The following EXD2 variants were observed in gnomAD, a reference collection of about 807,000 sequenced individuals.
EXD2 encodes the protein exonuclease 3'-5' domain containing 2.
In EXD2, 40 loss-of-function variants were observed where a neutral mutation model predicts 62.5. The ratio of observed to expected loss-of-function variants is 0.64; its 90% CI spans 0.50 to 0.83. EXD2 has a LOEUF of 0.83. Ranked by LOEUF, EXD2 falls within the 40% of genes least tolerant of loss-of-function variation. The pLI is 0.00. For synonymous variants in EXD2, 239 were observed against 291.9 expected (o/e 0.82, Z 1.85); for missense variants, 671 against 761.8 (o/e 0.88, Z 1.40).
Position 69,205,026 on chromosome 14 carries a change from TACA to T in EXD2, c.-48+1028_-48+1030del, listed in dbSNP as rs562149127. On this transcript the variant is annotated intron_variant, in intron 2 of 9. Coordinates refer to ENST00000685843, the MANE Select transcript of EXD2 (RefSeq NM_001193360.2). ...CAGGCTGTTTCCAGTTTTTGGCTGT[TACA>T]AATAAGTAACTGCTATGAACATTCT... Among the ~76,000 whole-genome samples, 4 of 152,338 alleles carry T rather than the reference TACA, an allele frequency of 2.6e-5. No individual in the cohort carries two copies. The South Asian group carries it at 8.3e-4, about 32-fold the overall frequency.
chr14:69,241,948 A>T lies in EXD2; in HGVS notation c.*848A>T. The T allele has an allele frequency of 2.5e-6, 1 of 398,770 alleles. No individual in the cohort carries two copies. The highest frequency in any genetic ancestry group is 4.4e-6 in the Non-Finnish European group (1 of 226,062). The allele number at this position is 398,770 out of a possible 1,614,324, so 24.7% of individuals were successfully genotyped here. A position where few individuals can be genotyped will look rare whatever the true frequency, so the allele number is the denominator to read the frequency against. ...CTTTCTGAGAGTAATGTTATCTTTT[A>T]TCAGAATCAGTATCAGTTCCCCTGT... On this transcript the variant is annotated 3_prime_UTR_variant, in exon 10 of 10. Coordinates refer to ENST00000685843, the MANE Select transcript of EXD2 (RefSeq NM_001193360.2).
chr14:69,222,686 A>T (rs1436317805), intron 3 of EXD2, among the ~76,000 whole-genome samples: 1 of 146,854 alleles, frequency 6.8e-6, no homozygotes, highest in Non-Finnish European at 1.5e-5. Flanking sequence ...AATGAATGAT[A>T]TAGAGTGATT....
intron 6 of EXD2, chr14:69,235,762 A>T: frequency 4.9e-6 from 2 of 410,280 alleles, no homozygotes; most frequent in Non-Finnish European, 9.0e-6. Context: ...TCTTTTTTGC[A>T]TTCACAGCAG....
chr14:69,235,253 G>A (rs1043344765), intron 6 of EXD2, among the ~76,000 whole-genome samples: 3 of 152,138 alleles, frequency 2.0e-5, no homozygotes, highest in African/African-American at 7.2e-5. Context: ...TTTATTGACA[G>A]TTGGGGTGGA....
chr14:69,237,970 T>TCC, intron 9 of EXD2, 39 bp downstream of exon 9: 1 of 1,496,384 alleles, frequency 6.7e-7, no homozygotes, highest in Non-Finnish European at 9.0e-7. Context: ...CCAGGGACAT[T>TCC]AACCCTCATT....
At position 69,199,808 on chromosome 14, in the gene EXD2, G is replaced by A. The variant is rs569412503; in HGVS notation, c.-131-4109G>A. 6.2e-4 allele frequency among the ~76,000 whole-genome samples: 95 copies of A among 152,298 alleles called. No homozygotes were observed. The Middle Eastern group carries it at 0.024, about 38-fold the overall frequency. On this transcript the variant is annotated intron_variant, in intron 1 of 9. Transcript: ENST00000685843. ...AATGCCTTCTGGAATAACTTCGGAA[G>A]GAGCTGCCTGAGGTTGCTTTACAGT...
At chr14:69,234,352 A>T (rs1430272044) in intron 5 of EXD2, among the ~76,000 whole-genome samples, 1 of 152,186 alleles carries the variant, frequency 6.6e-6, no homozygotes, top group East Asian at 1.9e-4. Context: ...GCCTTTGTTA[A>T]CTACCCTTCC....
At chr14:69,215,894 C>T (rs1311745886) in intron 3 of EXD2, among the ~76,000 whole-genome samples, 8 of 151,810 alleles carry the variant, frequency 5.3e-5, no homozygotes, top group Non-Finnish European at 7.4e-5. Context: ...ATGAACCCTC[C>T]GGGAGTTAAA....
Position 69,241,234 on chromosome 14 carries a change from C to G in EXD2, c.*134C>G. ...CTCAGAATACTAACCTAGACTAATC[C>G]CAGGATGCTTCTGCTGGAGCAAAGA... On this transcript the variant is annotated 3_prime_UTR_variant, in exon 10 of 10. Transcript: ENST00000685843. The G allele has an allele frequency of 1.5e-6, 1 of 686,870 alleles. No individual in the cohort carries two copies. The highest frequency in any genetic ancestry group is 2.4e-6 in the Non-Finnish European group (1 of 418,522). The allele number at this position is 686,870 out of a possible 1,614,324, so 42.5% of individuals were successfully genotyped here.
rs141991626 is a variant in EXD2, at chr14:69,236,541, C to T, written c.1291C>T (p.Arg431Trp). The T allele has an allele frequency of 4.9e-5, 79 of 1,613,980 alleles. No individual in the cohort carries two copies. The highest frequency in any genetic ancestry group is 9.3e-5 in the African/African-American group (7 of 74,902). Residue 431 changes from arginine (R) to tryptophan (W), a missense_variant and splice_region_variant, in exon 8 of 10, where the codon CGG becomes TGG. By Grantham distance (101) the Arg-to-Trp change is moderately radical (BLOSUM62 -3). Transcript: ENST00000685843. ...GTGTGGCAAGAGAGACTCCTACATT[C>T]GGTGAGTGCAGCATTGGGCCACCCT... is the stretch of plus-strand genomic sequence containing the variant. ...VVCGKRDSYI[R>W]KNVIPHEYRK... is the part of the protein sequence containing the mutation.
Position 69,206,457 on chromosome 14 carries a change from T to C in EXD2, c.-48+2457T>C, listed in dbSNP as rs1382588052. Reference sequence around the variant, plus strand: ...CAGCTTCATCTCCCACCCACCCACTTTTTTTTTTTTTTTTTTTTTTTTTTT... The same window carrying C: ...CAGCTTCATCTCCCACCCACCCACTCTTTTTTTTTTTTTTTTTTTTTTTTT... On this transcript the variant is annotated intron_variant, in intron 2 of 9. Coordinates refer to ENST00000685843, the MANE Select transcript of EXD2 (RefSeq NM_001193360.2). 6.1e-3 allele frequency among the ~76,000 whole-genome samples: 179 copies of C among 29,278 alleles called. 35 individuals carry two copies. The highest frequency in any genetic ancestry group is 0.17 in the East Asian group (1 of 6). The allele number at this position is 29,278 out of a possible 152,430, so 19.2% of individuals were successfully genotyped here. A position where few individuals can be genotyped will look rare whatever the true frequency, so the allele number is the denominator to read the frequency against.
At position 69,205,028 on chromosome 14, in the gene EXD2, C is replaced by A. The variant is rs533134729; in HGVS notation, c.-48+1028C>A. On this transcript the variant is annotated intron_variant, in intron 2 of 9. Coordinates refer to ENST00000685843, the MANE Select transcript of EXD2 (RefSeq NM_001193360.2). ...GGCTGTTTCCAGTTTTTGGCTGTTA[C>A]AAATAAGTAACTGCTATGAACATTC... Among the ~76,000 whole-genome samples, 6 of 152,276 alleles carry A rather than the reference C, an allele frequency of 3.9e-5. No individual in the cohort carries two copies. In the South Asian group the frequency reaches 1.2e-3, roughly 32 times the overall value.
chr14:69,241,922 C>G lies in EXD2; in HGVS notation c.*822C>G, dbSNP rs2043993033. 1 of 398,954 alleles carries G rather than the reference C, an allele frequency of 2.5e-6. No individual in the cohort carries two copies. The highest frequency in any genetic ancestry group is 4.4e-6 in the Non-Finnish European group (1 of 226,084). 24.7% of individuals were successfully genotyped at this position (398,954 alleles called of 1,614,324 possible). A position where few individuals can be genotyped will look rare whatever the true frequency, so the allele number is the denominator to read the frequency against. On this transcript the variant is annotated 3_prime_UTR_variant, in exon 10 of 10. Coordinates refer to ENST00000685843, the MANE Select transcript of EXD2 (RefSeq NM_001193360.2). ...GAACTGCAAGATTTTTAGCTTCACC[C>G]CTTTCTGAGAGTAATGTTATCTTTT... is the stretch of plus-strand genomic sequence containing the variant.
At chr14:69,207,187 A>G (rs1235058634) in intron 2 of EXD2, among the ~76,000 whole-genome samples, 2 of 152,122 alleles carry the variant, frequency 1.3e-5, no homozygotes, top group African/African-American at 4.8e-5. Context: ...TCCAGAAGTT[A>G]TTGTAAATAT....
Position 69,228,982 on chromosome 14 carries a change from G to A in EXD2, c.500G>A (p.Gly167Glu), listed in dbSNP as rs1162444827. The A allele has an allele frequency of 6.2e-7, 1 of 1,614,212 alleles. No individual in the cohort carries two copies. Among genetic ancestry groups the A allele is most frequent in the Non-Finnish European group, 8.5e-7 (1 of 1,180,046 alleles). The change falls in exon 4 of 10, where the codon GGA becomes GAA. Residue 167 changes from glycine (G) to glutamate (E), a missense_variant. Physicochemically the swap from Gly to Glu is moderately conservative, Grantham distance 98. Coordinates refer to ENST00000685843, the MANE Select transcript of EXD2 (RefSeq NM_001193360.2). ...ADGTILKVGV[G>E]CSEDASKLLQ... ...GGCACCATTTTGAAAGTTGGAGTGG[G>A]ATGCTCAGAAGATGCCAGCAAGCTT...
chr14:69,229,185 G>T, intron 4 of EXD2, 113 bp downstream of exon 4: 4 of 1,355,056 alleles, frequency 3.0e-6, no homozygotes, highest in South Asian at 1.5e-5. Context: ...TAGGAGCCTA[G>T]AGGCTTCTAA....
intron 8 of EXD2, among the ~76,000 whole-genome samples, chr14:69,236,912 G>T (rs937320609): frequency 6.6e-6 from 1 of 152,184 alleles, no homozygotes; most frequent in African/African-American, 2.4e-5. Context: ...GGAGTATCCA[G>T]ATGTCCTGAA....
At position 69,242,085 on chromosome 14, in the gene EXD2, TG is replaced by T; in HGVS notation, c.*988del. 2.5e-6 allele frequency: 1 copy of T among 398,666 alleles called. No homozygotes were observed. The highest frequency in any genetic ancestry group is 4.4e-6 in the Non-Finnish European group (1 of 226,066). 24.7% of individuals were successfully genotyped at this position (398,666 alleles called of 1,614,324 possible). A position where few individuals can be genotyped will look rare whatever the true frequency, so the allele number is the denominator to read the frequency against. ...GGACTTCTCTGTCTCCTCTGAAGCC[TG>T]GGACACTGAGCTTACTTAATACATT... is the stretch of plus-strand genomic sequence containing the variant. On this transcript the variant is annotated 3_prime_UTR_variant, in exon 10 of 10. Coordinates refer to ENST00000685843, the MANE Select transcript of EXD2 (RefSeq NM_001193360.2).
chr14:69,205,151 T>G (rs1400459760), intron 2 of EXD2, among the ~76,000 whole-genome samples: 1 of 152,220 alleles, frequency 6.6e-6, no homozygotes, highest in Non-Finnish European at 1.5e-5. Context: ...AAATCTTTAT[T>G]CCATGAATAT....
Sources: allele counts gnomAD v4.1 joint callset (sites outside exome capture counted in the v4.1 genomes callset), GRCh38; gene constraint gnomAD v4.1.1; transcripts MANE v1.5; gene names NCBI Gene and HGNC (gene_info 2026-07-23, HGNC 2026-07-21).